SAMSN1: variants seen among roughly 807,000 people sequenced by gnomAD.
SAMSN1 encodes SAM domain-containing protein SAMSN-1.
Under a neutral mutation model 42.0 loss-of-function variants are expected in SAMSN1, and 31 were observed. The observed-to-expected ratio is 0.74, with a 90% CI of 0.55 to 1.00. The LOEUF (loss-of-function observed/expected upper bound fraction) is 1.00. SAMSN1 is among the 50% of genes least tolerant of loss of function. The probability of loss-of-function intolerance (pLI) is 0.00; values close to 1 mark genes in which losing one functional copy is unlikely to be tolerated. For missense variants in SAMSN1, 464 were observed against 439.4 expected (o/e 1.06, Z -0.50); for synonymous variants, 178 against 151.9 (o/e 1.17, Z -1.26).
At chr21:14,654,532 C>T (rs1568844757) in intron 1 of SAMSN1, among the ~76,000 whole-genome samples, 1 of 152,008 alleles carries the variant, frequency 6.6e-6, no homozygotes, top group African/African-American at 2.4e-5. Context: ...ATGAGGCAAA[C>T]TCCATGATGG....
At chr21:14,553,138 T>G (rs1334329686) in intron 2 of SAMSN1, among the ~76,000 whole-genome samples, 1 of 152,114 alleles carries the variant, frequency 6.6e-6, no homozygotes, top group Non-Finnish European at 1.5e-5. Context: ...TTATTCCTTT[T>G]TTTATCCTTG....
intron 1 of SAMSN1, among the ~76,000 whole-genome samples, chr21:14,521,983 A>T (rs1360729387): frequency 6.6e-6 from 1 of 152,190 alleles, no homozygotes; most frequent in African/African-American, 2.4e-5. Flanking sequence ...CAGAAAAAGA[A>T]GGCACACACA....
chr21:14,605,209 A>G (rs11088116), intron 5 of SAMSN1, among the ~76,000 whole-genome samples: 2,554 of 152,360 alleles, frequency 0.017, 78 homozygotes, highest in African/African-American at 0.058. Flanking sequence ...TAATCTCAGG[A>G]AGAACTCCTC....
chr21:14,621,572 T>C (rs1254783774), intron 2 of SAMSN1, among the ~76,000 whole-genome samples: 4 of 77,962 alleles, frequency 5.1e-5, no homozygotes, highest in African/African-American at 1.9e-4. Context: ...GAGATCGAAC[T>C]GCAAGGTCAC....
chr21:14,488,534 G>A (rs1436976360), intron 7 of SAMSN1, among the ~76,000 whole-genome samples: 1 of 152,016 alleles, frequency 6.6e-6, no homozygotes, highest in African/African-American at 2.4e-5. Flanking sequence ...CACCTCAATG[G>A]GGAATAAAGT....
At position 14,608,115 on chromosome 21, in the gene SAMSN1, T is replaced by G. The variant is rs1031740841; in HGVS notation, c.322+1367A>C. Among the ~76,000 whole-genome samples the G allele has an allele frequency of 5.9e-5, 9 of 152,296 alleles. No homozygotes were observed. In the South Asian group the frequency reaches 1.9e-3, roughly 32 times the overall value. On this transcript the variant is annotated intron_variant, in intron 5 of 15. Coordinates refer to the SAMSN1 transcript ENST00000647101. Reference sequence around the variant, plus strand: ...ACAGGAATACCAACTTGAATGGCTATTCACACAAGAGAGCACCTCCATAAG... The same window carrying G: ...ACAGGAATACCAACTTGAATGGCTAGTCACACAAGAGAGCACCTCCATAAG...
chr21:14,568,763 A>C (rs906360626), intron 2 of SAMSN1, among the ~76,000 whole-genome samples: 12 of 152,200 alleles, frequency 7.9e-5, no homozygotes, highest in African/African-American at 2.9e-4. Context: ...ACTGAAACTA[A>C]CTTTGCTATC....
intron 3 of SAMSN1, among the ~76,000 whole-genome samples, chr21:14,515,112 G>A (rs1472299365): frequency 6.6e-6 from 1 of 152,122 alleles, no homozygotes; most frequent in Non-Finnish European, 1.5e-5. Context: ...AAGGAAATCA[G>A]CACTTGGGTC....
chr21:14,541,603 T>G (rs527906725), intron 1 of SAMSN1, among the ~76,000 whole-genome samples: 59 of 152,344 alleles, frequency 3.9e-4, no homozygotes, highest in African/African-American at 1.4e-3. Context: ...ATTCTTCTTC[T>G]TCCAGTGTGG....
At chr21:14,536,364 A>G (rs1402111209) in intron 1 of SAMSN1, among the ~76,000 whole-genome samples, 1 of 152,260 alleles carries the variant, frequency 6.6e-6, no homozygotes, top group Admixed American at 6.5e-5. Context: ...TAGTCAAGGT[A>G]GTGACCTTAT....
At chr21:14,491,815 G>A (rs1986699439) in intron 7 of SAMSN1, among the ~76,000 whole-genome samples, 1 of 152,060 alleles carries the variant, frequency 6.6e-6, no homozygotes, top group Admixed American at 6.6e-5. Flanking sequence ...AGAGGGTAGA[G>A]ATAAAATTTT....
At chr21:14,618,707 CGCGT>C (rs1568832916) in intron 2 of SAMSN1, among the ~76,000 whole-genome samples, 7 of 146,316 alleles carry the variant, frequency 4.8e-5, no homozygotes, top group African/African-American at 1.8e-4. Flanking sequence ...CGCGCGCACG[CGCGT>C]GTGTGTGTGT....
chr21:14,598,680 C>T (rs1481446171), intron 6 of SAMSN1, among the ~76,000 whole-genome samples: 1 of 152,196 alleles, frequency 6.6e-6, no homozygotes, highest in Non-Finnish European at 1.5e-5. Flanking sequence ...GAGATCTTCT[C>T]TTCCATTTTG....
chr21:14,605,837 TTTATTTATTTATTTA>T (rs1450033888), intron 5 of SAMSN1, among the ~76,000 whole-genome samples: 5 of 150,570 alleles, frequency 3.3e-5, no homozygotes, highest in African/African-American at 1.2e-4. Context: ...TATTTATTTA[TTTATTTATTTATTTA>T]TTTTTTTGAG....
intron 2 of SAMSN1, among the ~76,000 whole-genome samples, chr21:14,630,771 C>T (rs1433149719): frequency 1.3e-5 from 2 of 152,138 alleles, no homozygotes; most frequent in Admixed American, 6.6e-5. Flanking sequence ...CTCCTCTTGT[C>T]CATAGTTTGA....
At chr21:14,521,664 A>G (rs1452647046) in intron 1 of SAMSN1, among the ~76,000 whole-genome samples, 3 of 152,090 alleles carry the variant, frequency 2.0e-5, no homozygotes, top group African/African-American at 7.2e-5. Context: ...TAGATCCACC[A>G]TTACGCCTCA....
At chr21:14,596,302 G>T (rs547247648) in intron 6 of SAMSN1, among the ~76,000 whole-genome samples, 1 of 152,086 alleles carries the variant, frequency 6.6e-6, no homozygotes, top group Non-Finnish European at 1.5e-5. Flanking sequence ...TTTTTTTCAA[G>T]ATAACGAAAT....
intron 2 of SAMSN1, among the ~76,000 whole-genome samples, chr21:14,565,538 T>C (rs952304880): frequency 5.3e-5 from 8 of 152,134 alleles, no homozygotes; most frequent in African/African-American, 1.7e-4. Context: ...TATGTATTTG[T>C]TTCCTTTTAA....
intron 2 of SAMSN1, among the ~76,000 whole-genome samples, chr21:14,640,696 C>G (rs1268571293): frequency 6.6e-6 from 1 of 152,054 alleles, no homozygotes; most frequent in African/African-American, 2.4e-5. Flanking sequence ...TTCATCTAAG[C>G]TGTGAAATAA....
Sources: gnomAD v4.1 joint callset for allele counts (sites outside exome capture counted in the v4.1 genomes callset) on GRCh38, gnomAD v4.1.1 for gene constraint, MANE v1.5 for transcripts, NCBI Gene and HGNC (gene_info 2026-07-23, HGNC 2026-07-21) for gene names.